Variants in PHF19 observed in about 807,000 individuals in gnomAD.
PHF19 encodes the protein polycomb like 3.
PHF19 carries 21 observed loss-of-function variants against 79.8 expected under a neutral mutation model. That is an observed-to-expected ratio of 0.26 (90% CI 0.19 to 0.38). PHF19 has a LOEUF of 0.38. Among genes scored for constraint, PHF19 ranks in the 10% least tolerant of loss-of-function variants. The pLI, the probability that PHF19 is intolerant of heterozygous loss-of-function variation, is 1.00. For synonymous variants in PHF19, 273 were observed against 296.3 expected (o/e 0.92, Z 0.81); for missense variants, 445 against 744.2 (o/e 0.60, Z 4.68).
At chr9:120,890,634 G>C (rs970011047) in intron 1 of PHF19, among the ~76,000 whole-genome samples, 1 of 152,112 alleles carries the variant, frequency 6.6e-6, no homozygotes, top group Non-Finnish European at 1.5e-5. Flanking sequence ...TTTAACACAC[G>C]CAATCTTTGA....
At chr9:120,892,474 AT>A (rs1379231668) in intron 1 of PHF19, among the ~76,000 whole-genome samples, 3 of 152,210 alleles carry the variant, frequency 2.0e-5, no homozygotes, top group Non-Finnish European at 4.4e-5. Context: ...CTCTAAAAAA[AT>A]ACCTCTCAGG....
At chr9:120,894,301 G>C (rs2046377104) in intron 1 of PHF19, among the ~76,000 whole-genome samples, 1 of 152,250 alleles carries the variant, frequency 6.6e-6, no homozygotes, top group African/African-American at 2.4e-5. Flanking sequence ...GGCTCCAGCA[G>C]AAAGGAGAAA....
Position 120,860,138 on chromosome 9 carries a change from G to A in PHF19, c.1352C>T (p.Ala451Val). 6.2e-7 allele frequency: 1 copy of A among 1,600,986 alleles called. No individual in the cohort carries two copies. Reference sequence around the variant, plus strand: ...GGAGGCAGAGCCAGAGGTGCTGGCAGCGTCGGTGGAGTCGACATCTGAGAA... The same window carrying A: ...GGAGGCAGAGCCAGAGGTGCTGGCAACGTCGGTGGAGTCGACATCTGAGAA... ...TFFSDVDSTD[A>V]ASTSGSASTS... Residue 451 changes from alanine (A) to valine (V), a missense_variant, in exon 14 of 15, where the codon GCT becomes GTT. Physicochemically the swap from Ala to Val is moderately conservative, Grantham distance 64. This residue lies in a region of PHF19 where 125 missense variants were observed against 180.5 expected (regional missense o/e 0.69). Coordinates refer to ENST00000373896, the MANE Select transcript of PHF19 (RefSeq NM_015651.3). The surrounding 1 kb of genome is among the most constrained non-coding windows in gnomAD (Gnocchi z 4.1).
At chr9:120,898,249 T>C (rs1000616524), upstream of PHF19, among the ~76,000 whole-genome samples, 1 of 152,126 alleles carries the variant, frequency 6.6e-6, no homozygotes, top group South Asian at 2.1e-4. Context: ...CCCAAGTAGG[T>C]GGGACTGCAG....
intron 1 of PHF19, chr9:120,894,675 T>C (rs1216918571): frequency 2.6e-6 from 1 of 380,220 alleles, no homozygotes; most frequent in Non-Finnish European, 4.3e-6. Context: ...GCGTTTGGAA[T>C]GCGAGCGCCG....
chr9:120,888,843 G>C (rs2046302862), intron 1 of PHF19, among the ~76,000 whole-genome samples: 1 of 152,116 alleles, frequency 6.6e-6, no homozygotes. Context: ...GATCTCCAAG[G>C]GTCCCCTCAC....
the PHF19 span, chr9:120,903,511 T>C: frequency 6.6e-6 from 1 of 152,284 alleles, no homozygotes; most frequent in East Asian, 1.9e-4. Flanking sequence ...GACCCATTTT[T>C]ATAGAAGCAA....
At chr9:120,902,523 C>T in the PHF19 span, 14 of 26,100 alleles carry the variant, frequency 5.4e-4, no homozygotes, top group African/African-American at 7.4e-4. Context: ...GGGGGGGGGG[C>T]GGTGGGCACT....
chr9:120,864,408 T>C (rs1347496483), intron 9 of PHF19, among the ~76,000 whole-genome samples: 5 of 151,116 alleles, frequency 3.3e-5, no homozygotes, highest in African/African-American at 1.2e-4. Context: ...TATCTGCAGA[T>C]ATAACACGAA....
At chr9:120,896,475 G>A (rs2046403337), upstream of PHF19, among the ~76,000 whole-genome samples, 1 of 140,492 alleles carries the variant, frequency 7.1e-6, no homozygotes, top group Non-Finnish European at 1.5e-5. Flanking sequence ...TTTTTGAGAC[G>A]GAGTTTCGCT....
chr9:120,889,769 G>A (rs1414456951), intron 1 of PHF19, among the ~76,000 whole-genome samples: 1 of 146,910 alleles, frequency 6.8e-6, no homozygotes, highest in Non-Finnish European at 1.5e-5. Context: ...GAGAGAGAGA[G>A]AAAGAAAGAA....
chr9:120,865,338 C>T (rs1433819667), intron 9 of PHF19, among the ~76,000 whole-genome samples: 2 of 152,194 alleles, frequency 1.3e-5, no homozygotes, highest in Non-Finnish European at 2.9e-5. Flanking sequence ...AATTTCACTC[C>T]GTGGATCTGA....
At chr9:120,894,530 C>T (rs1418096153) in intron 1 of PHF19, among the ~76,000 whole-genome samples, 3 of 152,072 alleles carry the variant, frequency 2.0e-5, no homozygotes, top group African/African-American at 7.2e-5. Context: ...CGCCTCCCAC[C>T]CGCCTCGTCT....
intron 1 of PHF19, among the ~76,000 whole-genome samples, chr9:120,893,479 C>T (rs571330869): frequency 4.6e-5 from 7 of 152,356 alleles, no homozygotes; most frequent in Non-Finnish European, 1.0e-4. Flanking sequence ...TGTCTGCCCC[C>T]GTCATCCAAT....
At position 120,858,109 on chromosome 9, in the gene PHF19, A is replaced by C; in HGVS notation, c.1578T>G (p.Ser526Arg). The C allele has an allele frequency of 6.2e-7, 1 of 1,614,092 alleles. No individual in the cohort carries two copies. Among genetic ancestry groups the C allele is most frequent in the Non-Finnish European group, 8.5e-7 (1 of 1,179,976 alleles). ...GGTGGGACAGGGATGAGTCATCTTC[A>C]CTGATGCTCTCAAATGTGTGGCTGT... ...GIDSHTFESI[S>R]EDDSSLSHLK... Residue 526 changes from serine (S) to arginine (R), a missense_variant, in exon 15 of 15, where the codon AGT (serine) becomes AGG (arginine). Ser to Arg is a moderately radical substitution (Grantham distance 110). Transcript: ENST00000373896.
At chr9:120,886,480 C>CTT (rs2046264749) in intron 1 of PHF19, among the ~76,000 whole-genome samples, 1 of 152,222 alleles carries the variant, frequency 6.6e-6, no homozygotes, top group East Asian at 1.9e-4. Flanking sequence ...CAGCAAGGAG[C>CTT]TTGGTCTGTG....
chr9:120,895,182 T>C (rs2046390260), upstream of PHF19, among the ~76,000 whole-genome samples: 1 of 152,180 alleles, frequency 6.6e-6, no homozygotes, highest in South Asian at 2.1e-4. Context: ...GTGCTCTTTC[T>C]ATCCAAACTC....
chr9:120,872,050 A>G (rs898483912), intron 3 of PHF19, among the ~76,000 whole-genome samples: 13 of 149,332 alleles, frequency 8.7e-5, no homozygotes, highest in Non-Finnish European at 1.3e-4. Flanking sequence ...AAAAAAAAAA[A>G]AAAAAAAAAA....
At position 120,891,574 on chromosome 9, in the gene PHF19, C is replaced by T. The variant is rs1031259213; in HGVS notation, c.42+3214G>A. 2.0e-5 allele frequency among the ~76,000 whole-genome samples: 3 copies of T among 152,160 alleles called. No individual in the cohort carries two copies. Among genetic ancestry groups the T allele is most frequent in the South Asian group, 4.1e-4 (2 of 4,834 alleles). ...GAGCGCCACCATAATTTACAGCACA[C>T]GACTCAAGACCCACCCAGCCACTTA... On this transcript the variant is annotated intron_variant, in intron 1 of 14. Transcript: ENST00000616568. The surrounding 1 kb of genome is among the most constrained non-coding windows in gnomAD (Gnocchi z 4.3).
Sources: allele counts gnomAD v4.1 joint callset (sites outside exome capture counted in the v4.1 genomes callset), GRCh38; gene constraint gnomAD v4.1.1; regional missense constraint gnomAD v4.1.1; non-coding constraint Gnocchi (gnomAD v3.1); transcripts MANE v1.5; gene names NCBI Gene and HGNC (gene_info 2026-07-23, HGNC 2026-07-21).